Variants in COL11A1 observed in about 807,000 individuals in gnomAD.
COL11A1 encodes collagen type XI alpha 1 chain.
In COL11A1, 74 loss-of-function variants were observed where a neutral mutation model predicts 265.2. The ratio of observed to expected loss-of-function variants is 0.28; its 90% CI spans 0.23 to 0.34. The LOEUF is 0.34. Ranked by LOEUF, COL11A1 falls within the 10% of genes least tolerant of loss-of-function variation. The pLI is 1.00. For missense variants in COL11A1, 2,165 were observed against 2,263.6 expected (o/e 0.96, Z 0.88); for synonymous variants, 816 against 727.6 (o/e 1.12, Z -1.96).
intron 49 of COL11A1, among the ~76,000 whole-genome samples, 185 bp from the exon 50 acceptor site, chr1:102,915,869 G>A (rs1655272866): frequency 6.6e-6 from 1 of 152,046 alleles, no homozygotes; most frequent in Admixed American, 6.6e-5. Context: ...TATTTCTCAG[G>A]TGAGTAGACA....
At chr1:102,897,440 A>AT (rs201896606) in intron 57 of COL11A1, among the ~76,000 whole-genome samples, 13,094 of 151,090 alleles carry the variant, frequency 0.087, 674 homozygotes, top group Middle Eastern at 0.17. Context: ...CATAAGAAAA[A>AT]AAAATATATA....
chr1:102,946,340 A>T (rs536244420), intron 42 of COL11A1, among the ~76,000 whole-genome samples: 273 of 147,512 alleles, frequency 1.9e-3, no homozygotes, highest in African/African-American at 6.4e-3. Context: ...ACCCCCCCCC[A>T]AAAAATGTTA....
intron 46 of COL11A1, among the ~76,000 whole-genome samples, chr1:102,928,425 T>A (rs977781354): frequency 6.6e-6 from 1 of 152,036 alleles, no homozygotes; most frequent in Admixed American, 6.5e-5. Context: ...ACAAAGGACA[T>A]GAACTCATCA....
At chr1:102,890,329 T>C (rs1651586453) in intron 58 of COL11A1, 122 bp downstream of exon 58, 1 of 888,468 alleles carries the variant, frequency 1.1e-6, no homozygotes, top group Non-Finnish European at 1.7e-6. Context: ...TGAAGCTTTT[T>C]TCAGGGTTAG....
chr1:103,061,625 A>G (rs1164759027), intron 4 of COL11A1, among the ~76,000 whole-genome samples: 2 of 152,160 alleles, frequency 1.3e-5, no homozygotes, highest in East Asian at 3.9e-4. Context: ...TAACTAATAC[A>G]TGGATTGAAG....
Position 102,978,719 on chromosome 1 carries a change from G to T in COL11A1, c.2743C>A (p.Pro915Thr), listed in dbSNP as rs766511805. Residue 915 changes from proline (P) to threonine (T), a missense_variant, in exon 35 of 67, where the codon CCA becomes ACA. Coordinates refer to ENST00000370096, the MANE Select transcript of COL11A1 (RefSeq NM_001854.4). ...TSGGDGPPGPPGERGPQGPQG... is the reference protein window; with the variant it reads ...TSGGDGPPGPTGERGPQGPQG... ...TGTATCATACGTACTCTTTCACCTG[G>T]AGGGCCAGGAGGGCCATCGCCACCT... 2 of 1,613,926 alleles carry T rather than the reference G, an allele frequency of 1.2e-6. No homozygotes were observed. The highest frequency in any genetic ancestry group is 1.7e-4 in the Middle Eastern group (1 of 6,060).
rs575763653 is a variant in COL11A1, at chr1:102,931,862, C to G, written c.3600+2587G>C. Among the ~76,000 whole-genome samples the G allele has an allele frequency of 3.9e-3, 583 of 151,318 alleles. 5 individuals are homozygous for G. Among genetic ancestry groups the G allele is most frequent in the African/African-American group, 0.014 (561 of 41,138 alleles). Reference sequence around the variant, plus strand: ...CATTATGTAATGGCCTTCTTTGTCTCTTTTGATCTTTGTTGGTTTAAAGTC... The same window carrying G: ...CATTATGTAATGGCCTTCTTTGTCTGTTTTGATCTTTGTTGGTTTAAAGTC... On this transcript the variant is annotated intron_variant, in intron 46 of 66. Transcript: ENST00000370096.
At chr1:102,946,152 G>T (rs1456117204) in intron 42 of COL11A1, among the ~76,000 whole-genome samples, 1 of 123,452 alleles carries the variant, frequency 8.1e-6, no homozygotes, top group Non-Finnish European at 1.7e-5. Context: ...ACAGGAAGGA[G>T]AACATGACAC....
rs947892400 is a variant in COL11A1, at chr1:102,970,257, C to G, written c.2824G>C (p.Asp942His). The stretch of plus-strand genomic sequence containing the variant: ...TGCCCAGGGTGTCCTGGCAGCCCAT[C>G]CTTCCCAGGTGGTCCCTGAAATTAC... The part of the protein sequence containing the change: ...PKGPPGPPGK[D>H]GLPGHPGQRG... The change falls in exon 37 of 67, where the codon GAT becomes CAT. Residue 942 changes from aspartate to histidine, a missense_variant. Coordinates refer to ENST00000370096, the MANE Select transcript of COL11A1 (RefSeq NM_001854.4). The G allele has an allele frequency of 1.2e-6, 2 of 1,611,688 alleles. No individual in the cohort carries two copies. Among genetic ancestry groups the G allele is most frequent in the Admixed American group, 1.7e-5 (1 of 59,964 alleles).
In COL11A1 at chr1:102,898,782, A is replaced by C. The variant is rs1299375435; in HGVS notation, c.4141-9T>G. ...TCTGCACCTGCTTCCCCCTGTTAGA[A>C]AGTAAAATATGGGAGCACATTAGTG... is the stretch of plus-strand genomic sequence containing the variant. On this transcript the variant is annotated splice_polypyrimidine_tract_variant and intron_variant, in intron 55 of 66. Coordinates refer to ENST00000370096, the MANE Select transcript of COL11A1 (RefSeq NM_001854.4). 1 of 1,610,012 alleles carries C rather than the reference A, an allele frequency of 6.2e-7. No homozygotes were observed. Among genetic ancestry groups the C allele is most frequent in the Middle Eastern group, 1.7e-4 (1 of 6,044 alleles).
intron 12 of COL11A1, among the ~76,000 whole-genome samples, chr1:103,015,353 TTAA>T (rs1361038771): frequency 2.0e-5 from 3 of 151,894 alleles, no homozygotes; most frequent in Admixed American, 6.6e-5. Context: ...AAATAGTATA[TTAA>T]TGTTATGTTA....
chr1:102,921,442 C>T (rs1032700691), intron 48 of COL11A1, 76 bp downstream of exon 48: 2 of 1,212,064 alleles, frequency 1.7e-6, no homozygotes, highest in East Asian at 4.7e-5. Flanking sequence ...TGTTATAACT[C>T]ACAAAGAGCA....
At chr1:102,902,985 T>C in intron 54 of COL11A1, among the ~76,000 whole-genome samples, 1 of 152,012 alleles carries the variant, frequency 6.6e-6, no homozygotes. Flanking sequence ...TAATTTTTTA[T>C]TGTGAACTTC....
At chr1:102,925,554 C>T (rs1273685236) in intron 46 of COL11A1, among the ~76,000 whole-genome samples, 1 of 151,938 alleles carries the variant, frequency 6.6e-6, no homozygotes, top group Non-Finnish European at 1.5e-5. Flanking sequence ...AAAGAGACTG[C>T]TATATATACT....
At chr1:102,933,814 C>A (rs1001578540) in intron 46 of COL11A1, among the ~76,000 whole-genome samples, 13 of 152,146 alleles carry the variant, frequency 8.5e-5, no homozygotes, top group African/African-American at 2.9e-4. Flanking sequence ...TTAAGCCGGT[C>A]GGAAAAGTGC....
chr1:102,993,286 AATTC>A (rs1664317163), intron 28 of COL11A1, among the ~76,000 whole-genome samples: 2 of 152,098 alleles, frequency 1.3e-5, no homozygotes, highest in African/African-American at 4.8e-5. Context: ...CTCCTTTGTC[AATTC>A]AGTGAGACAC....
chr1:103,011,899 C>T (rs1666161112), intron 14 of COL11A1, among the ~76,000 whole-genome samples: 2 of 151,942 alleles, frequency 1.3e-5, no homozygotes, highest in Admixed American at 1.3e-4. Context: ...AAAAATAATA[C>T]TTTGTTATTT....
chr1:102,912,909 A>G (rs969870593), intron 53 of COL11A1, among the ~76,000 whole-genome samples: 1 of 152,230 alleles, frequency 6.6e-6, no homozygotes, highest in Non-Finnish European at 1.5e-5. Context: ...AAGTTTCCTG[A>G]GGCCTTCCCA....
intron 4 of COL11A1, among the ~76,000 whole-genome samples, chr1:103,071,648 AAC>A (rs1671598050): frequency 6.6e-6 from 1 of 151,586 alleles, no homozygotes; most frequent in Admixed American, 6.6e-5. Flanking sequence ...CTTCATTTAG[AAC>A]ACAGACAGAC....
Sources: gnomAD v4.1 joint callset for allele counts (sites outside exome capture counted in the v4.1 genomes callset) on GRCh38, gnomAD v4.1.1 for gene constraint, MANE v1.5 for transcripts, NCBI Gene and HGNC (gene_info 2026-07-23, HGNC 2026-07-21) for gene names.